Variants in HIGD1A observed in about 807,000 individuals in gnomAD.
HIGD1A encodes the protein HIG1 hypoxia inducible domain family member 1A, also known as HIG1 domain family member 1A, mitochondrial.
HIGD1A carries 8 observed loss-of-function variants against 11.3 expected under a neutral mutation model. The observed-to-expected ratio is 0.71, with a 90% confidence interval of 0.42 to 1.28. HIGD1A has a LOEUF of 1.28. Among genes scored for constraint, HIGD1A ranks in the 50% most tolerant of loss-of-function variants. HIGD1A has a pLI of 0.01. For synonymous variants in HIGD1A, 32 were observed against 38.4 expected (o/e 0.83, Z 0.62); for missense variants, 107 against 118.8 (o/e 0.90, Z 0.46).
At chr3:42,802,535 C>CT (rs1471712146) in intron 1 of HIGD1A, among the ~76,000 whole-genome samples, 1 of 152,208 alleles carries the variant, frequency 6.6e-6, no homozygotes, top group African/African-American at 2.4e-5. Flanking sequence ...AAAATACTCT[C>CT]TGAATACAAA....
chr3:42,789,612 C>T (rs548414941), intron 2 of HIGD1A, among the ~76,000 whole-genome samples: 2 of 143,788 alleles, frequency 1.4e-5, no homozygotes, highest in South Asian at 4.4e-4. Context: ...AAAGATGAAA[C>T]TATGTGAACA....
chr3:42,790,736 T>C (rs1700413378), intron 2 of HIGD1A, among the ~76,000 whole-genome samples: 1 of 152,204 alleles, frequency 6.6e-6, no homozygotes, highest in Non-Finnish European at 1.5e-5. Flanking sequence ...ATAAATTCAA[T>C]GTAATCCAAA....
chr3:42,784,961 T>C lies in HIGD1A; in HGVS notation c.*310A>G, dbSNP rs1700332195. The C allele has an allele frequency of 3.2e-6, 1 of 309,512 alleles. No homozygotes were observed. The highest frequency in any genetic ancestry group is 5.9e-6 in the Non-Finnish European group (1 of 168,664). The allele number at this position is 309,512 out of a possible 1,614,324, so 19.2% of individuals were successfully genotyped here. A position where few individuals can be genotyped will look rare whatever the true frequency, so the allele number is the denominator to read the frequency against. On this transcript the variant is annotated 3_prime_UTR_variant, in exon 4 of 4. Coordinates refer to ENST00000321331, the MANE Select transcript of HIGD1A (RefSeq NM_014056.4). Reference sequence around the variant, plus strand: ...AGGGAGTACCTTCAGGATTGGCCTGTTATCTTCTTTAGAACTAAGTTCATC... The same window carrying C: ...AGGGAGTACCTTCAGGATTGGCCTGCTATCTTCTTTAGAACTAAGTTCATC...
chr3:42,795,449 T>C (rs1464124554), intron 1 of HIGD1A, among the ~76,000 whole-genome samples: 2 of 152,126 alleles, frequency 1.3e-5, no homozygotes, highest in South Asian at 2.1e-4. Flanking sequence ...CTCGAACTCC[T>C]GACCTCAGGT....
At chr3:42,796,328 T>C (rs1700498010) in intron 1 of HIGD1A, among the ~76,000 whole-genome samples, 1 of 152,224 alleles carries the variant, frequency 6.6e-6, no homozygotes, top group African/African-American at 2.4e-5. Flanking sequence ...AGTAATGAGC[T>C]TTATTATATA....
intron 1 of HIGD1A, among the ~76,000 whole-genome samples, chr3:42,799,671 G>A (rs935138999): frequency 1.3e-5 from 2 of 151,864 alleles, no homozygotes; most frequent in Non-Finnish European, 2.9e-5. Flanking sequence ...GGCCAGCCTG[G>A]TCTCAAACTC....
intron 1 of HIGD1A, among the ~76,000 whole-genome samples, chr3:42,794,910 T>A (rs1412487224): frequency 6.6e-6 from 1 of 152,236 alleles, no homozygotes; most frequent in Admixed American, 6.5e-5. Context: ...TTACTCATTT[T>A]AAGAACAAAG....
At chr3:42,786,645 A>G (rs953190345) in intron 2 of HIGD1A, among the ~76,000 whole-genome samples, 2 of 152,216 alleles carry the variant, frequency 1.3e-5, no homozygotes, top group Non-Finnish European at 2.9e-5. Flanking sequence ...TAAATAAAGG[A>G]AAAGAATAGA....
rs1420319881 is a variant in HIGD1A, at chr3:42,790,814, T to C, written c.97+3343A>G. 2.6e-5 allele frequency among the ~76,000 whole-genome samples: 4 copies of C among 152,228 alleles called. No individual in the cohort carries two copies. In the East Asian group the frequency reaches 7.7e-4, roughly 29 times the overall value. Reference sequence around the variant, plus strand: ...AGTTTCTTTTTCTTTTCTCTCTTTTTTTCAGACACGGCGTCTTCCTATGTT... The same window carrying C: ...AGTTTCTTTTTCTTTTCTCTCTTTTCTTCAGACACGGCGTCTTCCTATGTT... On this transcript the variant is annotated intron_variant, in intron 2 of 3. Transcript: ENST00000321331.
At position 42,783,672 on chromosome 3, in the gene HIGD1A, C is replaced by T. The variant is rs527334032; in HGVS notation, c.*1599G>A. Among the ~76,000 whole-genome samples, 15 of 152,000 alleles carry T rather than the reference C, an allele frequency of 9.9e-5. No homozygotes were observed. Among genetic ancestry groups the T allele is most frequent in the African/African-American group, 2.2e-4 (9 of 41,394 alleles). On this transcript the variant is annotated 3_prime_UTR_variant, in exon 4 of 4. Coordinates refer to ENST00000321331, the MANE Select transcript of HIGD1A (RefSeq NM_014056.4). ...ATAAGAGTAAAATCCAATAATATATCGACCAGAACTGGTTAGTAGAGGAGG... is the reference window on the plus strand; with the variant it reads ...ATAAGAGTAAAATCCAATAATATATTGACCAGAACTGGTTAGTAGAGGAGG...
intron 1 of HIGD1A, among the ~76,000 whole-genome samples, chr3:42,799,510 G>A (rs1344590189): frequency 1.3e-5 from 2 of 152,168 alleles, no homozygotes; most frequent in African/African-American, 4.8e-5. Context: ...ACGCAGGCTG[G>A]AGCACGATCT....
At position 42,794,141 on chromosome 3, in the gene HIGD1A, T is replaced by C. The variant is rs750863718; in HGVS notation, c.97+16A>G. On this transcript the variant is annotated intron_variant, in intron 2 of 3. Transcript: ENST00000321331. ...TCTACCATATTCAAGACTACTAAAA[T>C]GTCAGTCAAACTTACCAACGGGTAC... 8 of 1,598,308 alleles carry C rather than the reference T, an allele frequency of 5.0e-6. No individual in the cohort carries two copies. The highest frequency in any genetic ancestry group is 6.8e-6 in the Non-Finnish European group (8 of 1,175,710).
At chr3:42,801,043 G>A (rs1017279801) in intron 1 of HIGD1A, among the ~76,000 whole-genome samples, 6 of 152,080 alleles carry the variant, frequency 3.9e-5, no homozygotes, top group Non-Finnish European at 7.4e-5. Context: ...TACTGCTGAG[G>A]TCTGGGCTAT....
At chr3:42,788,027 C>G (rs1700373180) in intron 2 of HIGD1A, among the ~76,000 whole-genome samples, 1 of 151,754 alleles carries the variant, frequency 6.6e-6, no homozygotes, top group African/African-American at 2.4e-5. Context: ...CACATACCCC[C>G]ACCTCTAACC....
intron 1 of HIGD1A, among the ~76,000 whole-genome samples, chr3:42,795,413 G>T (rs1700483582): frequency 6.6e-6 from 1 of 151,532 alleles, no homozygotes; most frequent in African/African-American, 2.4e-5. Flanking sequence ...GTAGAGATGG[G>T]GTTTCACCAT....
rs1700610698 is a variant in HIGD1A at position 42,804,464 on chromosome 3, A to G, written c.-51T>C. The G allele has an allele frequency of 1.6e-5, 7 of 444,514 alleles. No homozygotes were observed. In the Admixed American group the frequency reaches 1.7e-4, roughly 11 times the overall value. The allele number at this position is 444,514 out of a possible 1,614,324, so 27.5% of individuals were successfully genotyped here. On this transcript the variant is annotated 5_prime_UTR_variant, in exon 1 of 4. Transcript: ENST00000321331. The stretch of plus-strand genomic sequence containing the variant: ...GAGCGAGAAAACCTCTCACACCCCA[A>G]CCGGCTTCCGATCCCTGCAGGCGCA...
At chr3:42,791,206 G>A (rs1012859221) in intron 2 of HIGD1A, among the ~76,000 whole-genome samples, 1 of 152,066 alleles carries the variant, frequency 6.6e-6, no homozygotes, top group East Asian at 1.9e-4. Flanking sequence ...GTATCCATAC[G>A]GAAAATAAGT....
chr3:42,786,267 G>T, intron 2 of HIGD1A, 105 bp from the exon 3 acceptor site: 1 of 1,281,762 alleles, frequency 7.8e-7, no homozygotes, highest in Non-Finnish European at 1.1e-6. Context: ...TTCTTTATCA[G>T]ATCATTAATT....
chr3:42,785,326 G>C lies in HIGD1A; in HGVS notation c.233-6C>G. On this transcript the variant is annotated splice_region_variant and splice_polypyrimidine_tract_variant and intron_variant, in intron 3 of 3. Transcript: ENST00000321331. ...ATACATGGAATAGCCCATACCTAAA[G>C]AAAAAGAATGCTAGTTAAGCATTTC... 1 of 1,604,938 alleles carries C rather than the reference G, an allele frequency of 6.2e-7. No individual in the cohort carries two copies. The highest frequency in any genetic ancestry group is 8.5e-7 in the Non-Finnish European group (1 of 1,174,438).
Sources: allele counts gnomAD v4.1 joint callset (sites outside exome capture counted in the v4.1 genomes callset), GRCh38; gene constraint gnomAD v4.1.1; transcripts MANE v1.5; gene names NCBI Gene and HGNC (gene_info 2026-07-23, HGNC 2026-07-21).